SLC17A1: variants seen among roughly 807,000 people sequenced by gnomAD.
SLC17A1 encodes sodium-dependent phosphate transport protein 1.
A neutral mutation model predicts 53.5 loss-of-function variants in SLC17A1; 51 were observed. The observed-to-expected ratio is 0.95, with a 90% CI of 0.76 to 1.20. The LOEUF (loss-of-function observed/expected upper bound fraction) is 1.20, where lower values mean the gene tolerates loss of function less well. Among genes scored for constraint, SLC17A1 ranks in the 50% most tolerant of loss-of-function variants. SLC17A1 has a pLI of 0.00. For synonymous variants in SLC17A1, 179 were observed against 198.8 expected, an observed-to-expected ratio of 0.90 and a Z score of 0.84; for missense variants, 538 against 568.2, an observed-to-expected ratio of 0.95 and a Z score of 0.54.
At chr6:25,769,478 A>C in the SLC17A1 span, among the ~76,000 whole-genome samples, 1 of 151,968 alleles carries the variant, frequency 6.6e-6, no homozygotes, top group African/African-American at 2.4e-5. Flanking sequence ...GAATCTCTTG[A>C]ACTGGGGAGG....
chr6:25,803,180 G>C (rs555653014), intron 10 of SLC17A1, among the ~76,000 whole-genome samples: 2 of 151,606 alleles, frequency 1.3e-5, no homozygotes, highest in Non-Finnish European at 2.9e-5. Flanking sequence ...CTCATGATCC[G>C]CCTGCCTCAA....
At chr6:25,765,287 G>A in the SLC17A1 span, among the ~76,000 whole-genome samples, 2 of 152,372 alleles carry the variant, frequency 1.3e-5, no homozygotes, top group East Asian at 3.9e-4. Context: ...GTTAGACACT[G>A]TTCTAAGCAG....
intron 12 of SLC17A1, among the ~76,000 whole-genome samples, chr6:25,785,810 A>G (rs1250231845): frequency 6.6e-6 from 1 of 151,460 alleles, no homozygotes; most frequent in Non-Finnish European, 1.5e-5. Context: ...ATGGCTACTG[A>G]AAAAAAAAGA....
chr6:25,778,022 G>T (rs1221732270), downstream of SLC17A1: 1 of 1,534,454 alleles, frequency 6.5e-7, no homozygotes, highest in Non-Finnish European at 8.9e-7. Context: ...GTCAGGTGAG[G>T]TCAAATGTTC....
At chr6:25,793,737 A>C (rs151239032) in intron 12 of SLC17A1, among the ~76,000 whole-genome samples, 2 of 152,270 alleles carry the variant, frequency 1.3e-5, no homozygotes, top group African/African-American at 4.8e-5. Context: ...CATAGAAAAA[A>C]ATTACATCTT....
intron 3 of SLC17A1, among the ~76,000 whole-genome samples, chr6:25,820,798 C>G (rs1436628615): frequency 6.7e-6 from 1 of 149,408 alleles, no homozygotes; most frequent in Non-Finnish European, 1.5e-5. Flanking sequence ...ACTCGGGAGG[C>G]TGAGGCAGGA....
the SLC17A1 span, among the ~76,000 whole-genome samples, chr6:25,731,304 G>A: frequency 2.0e-5 from 3 of 152,228 alleles, no homozygotes; most frequent in Admixed American, 6.5e-5. Context: ...TCTACAAGGT[G>A]CTGGAGCTGG....
At chr6:25,746,952 G>A in the SLC17A1 span, among the ~76,000 whole-genome samples, 2 of 152,180 alleles carry the variant, frequency 1.3e-5, no homozygotes, top group African/African-American at 2.4e-5. Flanking sequence ...TGATTCATCA[G>A]GGATAGACTG....
chr6:25,754,076 G>A, the SLC17A1 span, among the ~76,000 whole-genome samples: 2 of 152,112 alleles, frequency 1.3e-5, no homozygotes, highest in Non-Finnish European at 1.5e-5. Flanking sequence ...CTGACAGATG[G>A]GGCCTGGGAT....
At chr6:25,762,787 C>CAACT in the SLC17A1 span, among the ~76,000 whole-genome samples, 1 of 152,160 alleles carries the variant, frequency 6.6e-6, no homozygotes, top group African/African-American at 2.4e-5. Context: ...ACTCAACCTA[C>CAACT]AACTAGTCAC....
rs1481324273 is a variant in SLC17A1 at position 25,819,776 on chromosome 6, C to T, written c.347G>A (p.Cys116Tyr). Reference sequence around the variant, plus strand: ...GAGCAGGCTTAACACAGAGCTGAGGCATAATGCAAAGCCAATCATTTTCTT... The same window carrying T: ...GAGCAGGCTTAACACAGAGCTGAGGTATAATGCAAAGCCAATCATTTTCTT... ...STKKMIGFAL[C>Y]LSSVLSLLIP... is the part of the protein sequence containing the mutation. The change falls in exon 4 of 13, where the codon TGC becomes TAC. Residue 116 changes from cysteine to tyrosine, a missense_variant. Transcript: ENST00000244527. 1.2e-6 allele frequency: 2 copies of T among 1,614,170 alleles called. No homozygotes were observed. Among genetic ancestry groups the T allele is most frequent in the East Asian group, 2.2e-5 (1 of 44,888 alleles).
At chr6:25,733,834 G>GTGTA in the SLC17A1 span, among the ~76,000 whole-genome samples, 1 of 149,096 alleles carries the variant, frequency 6.7e-6, no homozygotes, top group African/African-American at 2.5e-5. Flanking sequence ...GTGTGTGTGT[G>GTGTA]TGTATGACAG....
chr6:25,760,584 T>C, the SLC17A1 span, among the ~76,000 whole-genome samples: 5 of 152,160 alleles, frequency 3.3e-5, no homozygotes, highest in Admixed American at 1.3e-4. Flanking sequence ...CTTTATTTTG[T>C]CCTCCTAGAA....
intron 8 of SLC17A1, 93 bp downstream of exon 8, chr6:25,812,738 G>C (rs931496645): frequency 2.3e-6 from 2 of 861,706 alleles, no homozygotes; most frequent in Non-Finnish European, 3.6e-6. Flanking sequence ...AGTGTGAGGA[G>C]CTGGCAAGAG....
At chr6:25,808,894 TTACTGGGTGTC>T in intron 10 of SLC17A1, among the ~76,000 whole-genome samples, 1 of 152,192 alleles carries the variant, frequency 6.6e-6, no homozygotes, top group East Asian at 1.9e-4. Context: ...TGCAATTCTG[TTACTGGGTGTC>T]TACTCAAAGG....
chr6:25,750,137 G>A, the SLC17A1 span, among the ~76,000 whole-genome samples: 1 of 152,284 alleles, frequency 6.6e-6, no homozygotes, highest in East Asian at 1.9e-4. Context: ...CCTTTTTTGG[G>A]GCATTGGCTT....
the SLC17A1 span, among the ~76,000 whole-genome samples, chr6:25,744,507 T>G: frequency 1.2e-4 from 19 of 152,322 alleles, no homozygotes; most frequent in Non-Finnish European, 2.2e-4. Context: ...GCAAACTGGT[T>G]GTTAAACACC....
intron 12 of SLC17A1, among the ~76,000 whole-genome samples, chr6:25,795,604 T>G (rs371926383): frequency 5.3e-5 from 8 of 152,124 alleles, no homozygotes; most frequent in East Asian, 3.8e-4. Context: ...GTCATCTATA[T>G]AAAGGAGACG....
intron 2 of SLC17A1, among the ~76,000 whole-genome samples, chr6:25,828,522 T>A (rs1229686471): frequency 6.6e-6 from 1 of 152,120 alleles, no homozygotes; most frequent in Non-Finnish European, 1.5e-5. Flanking sequence ...TAACATTAAG[T>A]TACTCTTTTA....
Sources: gnomAD v4.1 joint callset for allele counts (sites outside exome capture counted in the v4.1 genomes callset) on GRCh38, gnomAD v4.1.1 for gene constraint, MANE v1.5 for transcripts, NCBI Gene and HGNC (gene_info 2026-07-23, HGNC 2026-07-21) for gene names.